Variants in PPP1R9A observed in about 807,000 individuals in gnomAD.
PPP1R9A encodes the protein neurabin-1.
PPP1R9A carries 59 observed loss-of-function variants against 141.9 expected under a neutral mutation model. That is an observed-to-expected ratio of 0.42 (90% CI 0.34 to 0.52). The LOEUF (loss-of-function observed/expected upper bound fraction) is 0.52. Ranked by LOEUF, PPP1R9A falls within the 20% of genes least tolerant of loss-of-function variation. The probability of loss-of-function intolerance (pLI) is 0.10; values close to 1 mark genes in which losing one functional copy is unlikely to be tolerated. For synonymous variants in PPP1R9A, 500 were observed against 569.7 expected (o/e 0.88, Z 1.74); for missense variants, 1,444 against 1,611.9 (o/e 0.90, Z 1.78).
In PPP1R9A at chr7:95,293,206, T is replaced by G. The variant is rs988141877; in HGVS notation, c.*2903T>G. ...CTGTATCTGGGTCAGGGTTTCCCAT[T>G]AAAGGATGTTAGTTTTATAACAGAT... is the stretch of plus-strand genomic sequence containing the variant. On this transcript the variant is annotated 3_prime_UTR_variant, in exon 20 of 20. Transcript: ENST00000433360. The G allele has an allele frequency of 6.6e-6, 1 of 152,266 alleles. No homozygotes were observed. Among genetic ancestry groups the G allele is most frequent in the South Asian group, 2.1e-4 (1 of 4,822 alleles). The allele number at this position is 152,266 out of a possible 1,614,324, so 9.4% of individuals were successfully genotyped here.
intron 5 of PPP1R9A, among the ~76,000 whole-genome samples, chr7:95,183,550 A>C (rs1167657156): frequency 6.9e-6 from 1 of 145,638 alleles, no homozygotes; most frequent in African/African-American, 2.6e-5. Context: ...TCCCGGGTTC[A>C]AGTGATTCTC....
intron 2 of PPP1R9A, among the ~76,000 whole-genome samples, chr7:94,975,116 G>A (rs1799281915): frequency 6.6e-6 from 1 of 152,036 alleles, no homozygotes; most frequent in Non-Finnish European, 1.5e-5. Flanking sequence ...ATACTGTGTT[G>A]CAGTCTTTAG....
chr7:95,015,245 CACAT>C (rs1393741956), intron 2 of PPP1R9A, among the ~76,000 whole-genome samples: 76 of 149,734 alleles, frequency 5.1e-4, no homozygotes, highest in African/African-American at 1.6e-3. Flanking sequence ...CACACACACA[CACAT>C]ACACACACAC....
intron 4 of PPP1R9A, among the ~76,000 whole-genome samples, chr7:95,133,240 T>A (rs1824981521): frequency 6.6e-6 from 1 of 152,090 alleles, no homozygotes; most frequent in Non-Finnish European, 1.5e-5. Flanking sequence ...ATCAAGGAAG[T>A]TCTCATTCCA....
chr7:95,071,761 TATAAA>T (rs1457092656), intron 2 of PPP1R9A, among the ~76,000 whole-genome samples: 5 of 151,996 alleles, frequency 3.3e-5, no homozygotes, highest in African/African-American at 9.7e-5. Flanking sequence ...ATTATTTTAA[TATAAA>T]AGCATGTTTG....
chr7:95,219,082 G>A (rs1185712776), intron 7 of PPP1R9A, among the ~76,000 whole-genome samples: 1 of 152,162 alleles, frequency 6.6e-6, no homozygotes, highest in Middle Eastern at 3.2e-3. Context: ...TTTACAATTT[G>A]TCATGCTTTT....
At chr7:95,108,314 T>C (rs994512350) in intron 2 of PPP1R9A, among the ~76,000 whole-genome samples, 26 of 121,248 alleles carry the variant, frequency 2.1e-4, no homozygotes, top group African/African-American at 8.0e-4. Context: ...TTTCTTTTTT[T>C]TTTTTTTTTT....
chr7:95,167,900 G>T (rs1831516465), intron 5 of PPP1R9A, among the ~76,000 whole-genome samples: 1 of 151,898 alleles, frequency 6.6e-6, no homozygotes, highest in Admixed American at 6.6e-5. Context: ...AATTGAAGAG[G>T]ACACAAACAA....
intron 2 of PPP1R9A, among the ~76,000 whole-genome samples, chr7:95,006,934 C>T (rs1803696283): frequency 6.6e-6 from 1 of 151,774 alleles, no homozygotes; most frequent in Non-Finnish European, 1.5e-5. Flanking sequence ...GCGATCTTGG[C>T]TCATCGCAAC....
At chr7:95,041,199 T>A (rs1368208140) in intron 2 of PPP1R9A, among the ~76,000 whole-genome samples, 1 of 152,134 alleles carries the variant, frequency 6.6e-6, no homozygotes, top group Non-Finnish European at 1.5e-5. Flanking sequence ...ATAGCCCAGC[T>A]GCATATGAGG....
rs1347497436 is a variant in PPP1R9A at position 95,053,951 on chromosome 7, C to T, written c.1396-57308C>T. Among the ~76,000 whole-genome samples the T allele has an allele frequency of 3.3e-5, 5 of 152,114 alleles. No homozygotes were observed. In the East Asian group the frequency reaches 9.6e-4, roughly 29 times the overall value. ...ATAGGAAAGATCTGAAGGGCAATCA[C>T]AAAACAACGTTTAGCCTAAAAAGAA... is the stretch of plus-strand genomic sequence containing the variant. On this transcript the variant is annotated intron_variant, in intron 2 of 19. Transcript: ENST00000433360.
In PPP1R9A at chr7:94,910,903, C is replaced by T. The variant is rs1179023566; in HGVS notation, c.790C>T (p.Arg264Ter). ...DSNSWPPSNK[R>*]GVDTEDAHKS... ...TAATTCCTGGCCTCCTTCAAACAAGCGAGGTGTTGATACAGAGGATGCTCA... is the reference window on the plus strand; with the variant it reads ...TAATTCCTGGCCTCCTTCAAACAAGTGAGGTGTTGATACAGAGGATGCTCA... Residue 264 changes from arginine to a stop codon, truncating the protein, a stop_gained, in exon 2 of 20, where the codon CGA becomes TGA. Transcript: ENST00000433360. LOFTEE classifies it high-confidence loss of function. The surrounding 1 kb of genome is among the most constrained non-coding windows in gnomAD (Gnocchi z 4.5). 3 of 1,614,014 alleles carry T rather than the reference C, an allele frequency of 1.9e-6. No individual in the cohort carries two copies. Among genetic ancestry groups the T allele is most frequent in the East Asian group, 4.5e-5 (2 of 44,882 alleles).
chr7:95,273,509 A>G (rs1404898909), intron 14 of PPP1R9A, among the ~76,000 whole-genome samples: 1 of 152,168 alleles, frequency 6.6e-6, no homozygotes, highest in Non-Finnish European at 1.5e-5. Flanking sequence ...AGGCACTACA[A>G]CCCCAAGGCA....
chr7:94,969,035 A>G (rs915469717), intron 2 of PPP1R9A, among the ~76,000 whole-genome samples: 17 of 152,018 alleles, frequency 1.1e-4, no homozygotes, highest in Non-Finnish European at 7.4e-5. Context: ...CTAGTTAGCA[A>G]TTCATCTAAC....
At chr7:95,271,551 C>A (rs1049267022) in intron 14 of PPP1R9A, among the ~76,000 whole-genome samples, 2 of 152,106 alleles carry the variant, frequency 1.3e-5, no homozygotes, top group African/African-American at 4.8e-5. Flanking sequence ...CAGAGGAGGT[C>A]ATGAGCGCAA....
At chr7:95,134,016 A>C (rs1461036561) in intron 4 of PPP1R9A, among the ~76,000 whole-genome samples, 1 of 152,148 alleles carries the variant, frequency 6.6e-6, no homozygotes, top group African/African-American at 2.4e-5. Flanking sequence ...CTTTAAAAAC[A>C]TATATGTTTA....
chr7:95,268,837 C>T (rs1172701008), intron 13 of PPP1R9A, 130 bp downstream of exon 13: 16 of 1,061,382 alleles, frequency 1.5e-5, no homozygotes, highest in South Asian at 5.9e-5. Flanking sequence ...GAATAGTTCA[C>T]GTCTTTGTCT....
intron 4 of PPP1R9A, among the ~76,000 whole-genome samples, chr7:95,133,513 T>TTATA (rs10570222): frequency 0.034 from 4,449 of 132,540 alleles, 80 homozygotes; most frequent in Non-Finnish European, 0.041. Flanking sequence ...TGCAGTCGTA[T>TTATA]TATATATATA....
intron 2 of PPP1R9A, among the ~76,000 whole-genome samples, chr7:95,035,144 TTC>T (rs746904989): frequency 1.4e-4 from 21 of 152,210 alleles, no homozygotes; most frequent in African/African-American, 4.8e-4. Context: ...ATTCAGTTTA[TTC>T]TGTTTTATTA....
Sources: allele counts gnomAD v4.1 joint callset (sites outside exome capture counted in the v4.1 genomes callset), GRCh38; gene constraint gnomAD v4.1.1; non-coding constraint Gnocchi (gnomAD v3.1); transcripts MANE v1.5; gene names NCBI Gene and HGNC (gene_info 2026-07-23, HGNC 2026-07-21).